Variants in PPFIA2 observed in about 807,000 individuals in gnomAD.
PPFIA2 encodes the protein liprin-alpha-2.
Under a neutral mutation model 175.5 loss-of-function variants are expected in PPFIA2, and 46 were observed. The observed-to-expected ratio is 0.26, with a 90% confidence interval of 0.21 to 0.34. The LOEUF is 0.34. Ranked by LOEUF, PPFIA2 falls within the 10% of genes least tolerant of loss-of-function variation. The pLI, the probability that PPFIA2 is intolerant of heterozygous loss-of-function variation, is 1.00. For missense variants in PPFIA2, 1,179 were observed against 1,506.1 expected (o/e 0.78, Z 3.60); for synonymous variants, 568 against 511.4 (o/e 1.11, Z -1.49).
Position 81,399,108 on chromosome 12 carries a change from C to T in PPFIA2, c.762+6679G>A, listed in dbSNP as rs578182505. Among the ~76,000 whole-genome samples, 7 of 151,912 alleles carry T rather than the reference C, an allele frequency of 4.6e-5. No individual in the cohort carries two copies. The South Asian group carries it at 1.2e-3, about 27-fold the overall frequency. On this transcript the variant is annotated intron_variant, in intron 8 of 32. Coordinates refer to ENST00000549396, the MANE Select transcript of PPFIA2 (RefSeq NM_003625.5). ...TGAAAAACTTAAAAATTCTCCTAGCCTTGCTTAACAGATCGCACAAAACAA... is the reference window on the plus strand; with the variant it reads ...TGAAAAACTTAAAAATTCTCCTAGCTTTGCTTAACAGATCGCACAAAACAA...
chr12:81,523,714 C>T (rs11114907), intron 4 of PPFIA2, among the ~76,000 whole-genome samples: 11,442 of 152,144 alleles, frequency 0.075, 571 homozygotes, highest in East Asian at 0.2. Flanking sequence ...ATGTGAGGAA[C>T]GCTTAGAACA....
rs2083801727 is a variant in PPFIA2, at chr12:81,751,582, G to GAGAGAC, written c.249+2385_249+2390dup. 2.0e-5 allele frequency among the ~76,000 whole-genome samples: 3 copies of GAGAGAC among 151,288 alleles called. No individual in the cohort carries two copies. The South Asian group carries it at 6.3e-4, about 32-fold the overall frequency. On this transcript the variant is annotated intron_variant, in intron 3 of 32. Transcript: ENST00000549396. ...ACACACACATATACAGAGAGAGAGA[G>GAGAGAC]AGAGACAAGAAACAGAGAGTAAGAG...
chr12:81,467,642 G>A (rs375163702), intron 4 of PPFIA2, among the ~76,000 whole-genome samples: 8 of 152,040 alleles, frequency 5.3e-5, no homozygotes, highest in South Asian at 2.1e-4. Flanking sequence ...TTCTATTATC[G>A]TCTCCTCATC....
chr12:81,576,429 T>C (rs2073557870), intron 4 of PPFIA2, among the ~76,000 whole-genome samples: 1 of 151,762 alleles, frequency 6.6e-6, no homozygotes, highest in South Asian at 2.1e-4. Context: ...AATGCCATTT[T>C]GTGATTTTTA....
intron 28 of PPFIA2, among the ~76,000 whole-genome samples, chr12:81,273,527 GA>G (rs1402349597): frequency 1.3e-5 from 2 of 152,098 alleles, no homozygotes; most frequent in African/African-American, 4.8e-5. Flanking sequence ...CTTAGTGGAA[GA>G]TTGGTCTGAC....
At chr12:81,637,509 C>CA (rs2064264772) in intron 4 of PPFIA2, among the ~76,000 whole-genome samples, 1 of 151,890 alleles carries the variant, frequency 6.6e-6, no homozygotes, top group South Asian at 2.1e-4. Flanking sequence ...AAGGTATGGC[C>CA]ATCTCTACCC....
At position 81,476,076 on chromosome 12, in the gene PPFIA2, C is replaced by T. The variant is rs1470562018; in HGVS notation, c.304-18210G>A. Among the ~76,000 whole-genome samples the T allele has an allele frequency of 2.0e-5, 3 of 152,194 alleles. No individual in the cohort carries two copies. The East Asian group carries it at 5.8e-4, about 29-fold the overall frequency. ...AAGTTTCTTCTAGGCTAGTCTATGTCTTTCAGAGTGAAGCTCCTCAGAGGC... is the reference window on the plus strand; with the variant it reads ...AAGTTTCTTCTAGGCTAGTCTATGTTTTTCAGAGTGAAGCTCCTCAGAGGC... On this transcript the variant is annotated intron_variant, in intron 4 of 32. Transcript: ENST00000549396.
chr12:81,518,572 A>G (rs1332814740), intron 4 of PPFIA2, among the ~76,000 whole-genome samples: 3 of 151,814 alleles, frequency 2.0e-5, no homozygotes, highest in Non-Finnish European at 4.4e-5. Flanking sequence ...CTAAGCATTT[A>G]GCTATTCATC....
chr12:81,538,743 T>A (rs1305188771), intron 4 of PPFIA2, among the ~76,000 whole-genome samples: 1 of 151,524 alleles, frequency 6.6e-6, no homozygotes, highest in Non-Finnish European at 1.5e-5. Flanking sequence ...CAACATGGAG[T>A]GAACTAGGGA....
At chr12:81,277,226 C>T in intron 28 of PPFIA2, 91 bp downstream of exon 28, 4 of 1,033,890 alleles carry the variant, frequency 3.9e-6, no homozygotes, top group Non-Finnish European at 3.9e-6. Flanking sequence ...ACTTACTGAC[C>T]ATTGTAACAC....
intron 4 of PPFIA2, among the ~76,000 whole-genome samples, chr12:81,509,729 C>A (rs1337617325): frequency 6.6e-6 from 1 of 151,988 alleles, no homozygotes; most frequent in African/African-American, 2.4e-5. Flanking sequence ...TTCTGTGGAC[C>A]TAGAACAGGT....
chr12:81,645,288 AT>A (rs1205938302), intron 4 of PPFIA2, among the ~76,000 whole-genome samples: 4 of 152,168 alleles, frequency 2.6e-5, no homozygotes, highest in Non-Finnish European at 5.9e-5. Flanking sequence ...TTTTTCAAAT[AT>A]TATATTTCCT....
chr12:81,453,300 C>A (rs2052990030), intron 5 of PPFIA2, among the ~76,000 whole-genome samples: 1 of 151,960 alleles, frequency 6.6e-6, no homozygotes, highest in Admixed American at 6.6e-5. Flanking sequence ...CCTTTGAGAT[C>A]TTCAGCTATA....
intron 7 of PPFIA2, among the ~76,000 whole-genome samples, chr12:81,437,625 G>A (rs1245728878): frequency 6.6e-6 from 1 of 152,066 alleles, no homozygotes; most frequent in Non-Finnish European, 1.5e-5. Context: ...TTCATATTAA[G>A]CCATGCTTTT....
intron 13 of PPFIA2, among the ~76,000 whole-genome samples, chr12:81,367,707 T>A (rs907315375): frequency 6.6e-6 from 1 of 151,644 alleles, no homozygotes; most frequent in Non-Finnish European, 1.5e-5. Flanking sequence ...TAATATTACA[T>A]GTCACAAAGT....
chr12:81,333,784 A>G (rs1376010511), intron 21 of PPFIA2, among the ~76,000 whole-genome samples: 1 of 152,180 alleles, frequency 6.6e-6, no homozygotes. Flanking sequence ...TTAGTAATCC[A>G]TCAATCAGAT....
chr12:81,677,280 T>C (rs1258814849), intron 3 of PPFIA2, among the ~76,000 whole-genome samples: 1 of 151,984 alleles, frequency 6.6e-6, no homozygotes, highest in Non-Finnish European at 1.5e-5. Context: ...TTGATGTAAG[T>C]ATTTGATGTG....
At chr12:81,555,331 T>C (rs1594883096) in intron 4 of PPFIA2, among the ~76,000 whole-genome samples, 1 of 152,006 alleles carries the variant, frequency 6.6e-6, no homozygotes, top group Admixed American at 6.6e-5. Context: ...AAAGTTTTTG[T>C]CCCAATTTAA....
chr12:81,692,113 C>CACAA (rs2075319534), intron 3 of PPFIA2, among the ~76,000 whole-genome samples: 7 of 149,814 alleles, frequency 4.7e-5, no homozygotes, highest in Admixed American at 4.0e-4. Flanking sequence ...AACACAGACA[C>CACAA]ACACACACAC....
Sources: gnomAD v4.1 joint callset for allele counts (sites outside exome capture counted in the v4.1 genomes callset) on GRCh38, gnomAD v4.1.1 for gene constraint, MANE v1.5 for transcripts, NCBI Gene and HGNC (gene_info 2026-07-23, HGNC 2026-07-21) for gene names.